Variants in ZNF235 observed in about 807,000 individuals in gnomAD.
ZNF235 encodes the protein zinc finger protein 235.
Under a neutral mutation model 29.4 loss-of-function variants are expected in ZNF235, and 25 were observed. That is an observed-to-expected ratio of 0.85 (90% CI 0.62 to 1.19). The LOEUF (loss-of-function observed/expected upper bound fraction) is 1.19, where lower values mean the gene tolerates loss of function less well. ZNF235 is among the 50% of genes most tolerant of loss of function. The probability of loss-of-function intolerance (pLI) is 0.00; values close to 1 mark genes in which losing one functional copy is unlikely to be tolerated. For synonymous variants in ZNF235, 300 were observed against 295.3 expected (o/e 1.02, Z -0.16); for missense variants, 788 against 885.0 (o/e 0.89, Z 1.39).
At chr19:44,294,524 T>C (rs1158996543) in intron 4 of ZNF235, among the ~76,000 whole-genome samples, 6 of 152,064 alleles carry the variant, frequency 3.9e-5, no homozygotes, top group African/African-American at 1.4e-4. Flanking sequence ...CTAAAACTCT[T>C]TCAAAAAATC....
intron 2 of ZNF235, among the ~76,000 whole-genome samples, chr19:44,301,521 A>AGT: frequency 6.7e-6 from 1 of 149,902 alleles, no homozygotes; most frequent in South Asian, 2.1e-4. Context: ...CCCAGGCTGG[A>AGT]GTGTAGTGGT....
At chr19:44,300,864 A>C (rs1276693548) in intron 2 of ZNF235, among the ~76,000 whole-genome samples, 1 of 150,926 alleles carries the variant, frequency 6.6e-6, no homozygotes, top group Non-Finnish European at 1.5e-5. Flanking sequence ...AAAAAAGGTA[A>C]GTTCCAAGAA....
Position 44,287,251 on chromosome 19 carries a change from G to C in ZNF235, c.2184C>G (p.Tyr728Ter), listed in dbSNP as rs772793484. 5 of 1,608,228 alleles carry C rather than the reference G, an allele frequency of 3.1e-6. No homozygotes were observed. In the South Asian group the frequency reaches 3.3e-5, roughly 11 times the overall value. Reference protein sequence around the residue: ...KGFSQRSHLIYHQRVHTGGNL With the variant: ...KGFSQRSHLI ...TCCCTCCAGTGTGGACTCTCTGATG[G>C]TAGATGAGATGTGACCTCTGACTGA... Residue 728 changes from tyrosine to a stop codon, truncating the protein, a stop_gained, in exon 5 of 5, where the codon TAC (tyrosine) becomes TAG (stop). Transcript: ENST00000291182. LOFTEE classifies it high-confidence loss of function.
At position 44,288,119 on chromosome 19, in the gene ZNF235, C is replaced by T. The variant is rs201108543; in HGVS notation, c.1316G>A (p.Arg439His). ...KPYKCGDCGK[R>H]FSCSSNLHTH... is the part of the protein sequence containing the mutation. ...ATGAAGATTTGAGCTACAACTAAAG[C>T]GTTTACCACAATCCCCACATTTATA... is the stretch of plus-strand genomic sequence containing the variant. Residue 439 changes from arginine to histidine, a missense_variant, in exon 5 of 5, where the codon CGC (arginine) becomes CAC (histidine). By Grantham distance (29) the Arg-to-His change is conservative. Transcript: ENST00000291182. 2.0e-5 allele frequency: 32 copies of T among 1,613,908 alleles called. No homozygotes were observed. Among genetic ancestry groups the T allele is most frequent in the South Asian group, 5.5e-5 (5 of 91,092 alleles).
chr19:44,301,119 G>C (rs1399013054), intron 2 of ZNF235, among the ~76,000 whole-genome samples: 1 of 151,324 alleles, frequency 6.6e-6, no homozygotes, highest in African/African-American at 2.4e-5. Flanking sequence ...AATCCTACTG[G>C]GATTTTTCAT....
At chr19:44,300,651 C>A (rs377163814) in intron 2 of ZNF235, among the ~76,000 whole-genome samples, 1 of 151,972 alleles carries the variant, frequency 6.6e-6, no homozygotes, top group Non-Finnish European at 1.5e-5. Context: ...ACCAACCCGA[C>A]AAACATGGTG....
At chr19:44,304,141 G>A (rs1975796084) in intron 1 of ZNF235, among the ~76,000 whole-genome samples, 1 of 152,078 alleles carries the variant, frequency 6.6e-6, no homozygotes, top group Non-Finnish European at 1.5e-5. Context: ...ACTTGCAAAT[G>A]TTACTAAGCT....
Position 44,287,928 on chromosome 19 carries a change from G to A in ZNF235, c.1507C>T (p.Gln503Ter). 6.2e-7 allele frequency: 1 copy of A among 1,613,866 alleles called. No homozygotes were observed. The highest frequency in any genetic ancestry group is 8.5e-7 in the Non-Finnish European group (1 of 1,179,970). Reference sequence around the variant, plus strand: ...CCTGTATGGACCCTCTGATGGCTCTGGAAACTTGAGGCTGAACTAAAACCC... The same window carrying A: ...CCTGTATGGACCCTCTGATGGCTCTAGAAACTTGAGGCTGAACTAAAACCC... ...GKGFSSASSFQSHQRVHTGEK... is the reference protein window; with the variant it reads ...GKGFSSASSF Residue 503 changes from glutamine to a stop codon, truncating the protein, a stop_gained, in exon 5 of 5, where the codon CAG becomes TAG. Coordinates refer to ENST00000291182, the MANE Select transcript of ZNF235 (RefSeq NM_004234.4). LOFTEE classifies it high-confidence loss of function.
chr19:44,302,552 A>C lies in ZNF235; in HGVS notation c.15+838T>G, dbSNP rs113351232. 2.0e-3 allele frequency among the ~76,000 whole-genome samples: 299 copies of C among 151,844 alleles called. 1 individual carries two copies. Among genetic ancestry groups the C allele is most frequent in the African/African-American group, 6.9e-3 (288 of 41,462 alleles). On this transcript the variant is annotated intron_variant, in intron 2 of 4. Coordinates refer to ENST00000291182, the MANE Select transcript of ZNF235 (RefSeq NM_004234.4). The stretch of plus-strand genomic sequence containing the variant: ...CGGCAGGAGGATCTCTTAAGCCCAG[A>C]AGTTCAAGACCAGCCTGGGAAACAC...
intron 4 of ZNF235, 31 bp downstream of exon 4, chr19:44,298,777 T>C: frequency 2.7e-6 from 4 of 1,472,644 alleles, no homozygotes; most frequent in Non-Finnish European, 3.8e-6. Context: ...ATAACAGCTG[T>C]TAACTACGAT....
At chr19:44,302,396 A>G (rs1422247700) in intron 2 of ZNF235, among the ~76,000 whole-genome samples, 1 of 152,198 alleles carries the variant, frequency 6.6e-6, no homozygotes, top group Non-Finnish European at 1.5e-5. Flanking sequence ...TAAATTTAAA[A>G]AATTCGAAAT....
chr19:44,303,181 T>C (rs1468799971), intron 2 of ZNF235, among the ~76,000 whole-genome samples: 2 of 141,182 alleles, frequency 1.4e-5, no homozygotes, highest in African/African-American at 5.0e-5. Context: ...TATAATTATA[T>C]AGAAATATAT....
intron 2 of ZNF235, among the ~76,000 whole-genome samples, chr19:44,303,138 T>C (rs1002947259): frequency 2.1e-5 from 3 of 144,076 alleles, no homozygotes; most frequent in East Asian, 3.9e-4. Flanking sequence ...TATATTTGTA[T>C]ATAAATATAA....
intron 1 of ZNF235, among the ~76,000 whole-genome samples, chr19:44,303,709 A>G (rs999787878): frequency 6.6e-6 from 1 of 152,202 alleles, no homozygotes; most frequent in Admixed American, 6.5e-5. Flanking sequence ...TTTAGTTTCC[A>G]AGGAAATGAG....
At chr19:44,298,589 G>C (rs1263207148) in intron 4 of ZNF235, among the ~76,000 whole-genome samples, 4 of 152,042 alleles carry the variant, frequency 2.6e-5, no homozygotes, top group African/African-American at 9.7e-5. Context: ...ACAGGGTTTT[G>C]CTATGTTAAA....
rs1433466030 is a variant in ZNF235, at chr19:44,304,957, C to T, written c.-49+14G>A. 1 of 985,102 alleles carries T rather than the reference C, an allele frequency of 1.0e-6. No individual in the cohort carries two copies. The highest frequency in any genetic ancestry group is 1.2e-6 in the Non-Finnish European group (1 of 829,628). The allele number at this position is 985,102 out of a possible 1,614,324, so 61.0% of individuals were successfully genotyped here. A position where few individuals can be genotyped will look rare whatever the true frequency, so the allele number is the denominator to read the frequency against. The stretch of plus-strand genomic sequence containing the variant: ...AGGGCTCGGAGAAGTCTTGGAGACC[C>T]GGAGCTGACTCACCTCCCTGGGAGA... On this transcript the variant is annotated intron_variant, in intron 1 of 4. Transcript: ENST00000291182.
chr19:44,293,950 TAAA>T (rs58642226), intron 4 of ZNF235, among the ~76,000 whole-genome samples: 7 of 144,624 alleles, frequency 4.8e-5, no homozygotes, highest in Non-Finnish European at 9.1e-5. Context: ...ATGTCTACAC[TAAA>T]AAAAAAAAAA....
chr19:44,303,515 A>C, intron 1 of ZNF235, 63 bp from the exon 2 acceptor site: 2 of 1,449,350 alleles, frequency 1.4e-6, no homozygotes, highest in Non-Finnish European at 1.9e-6. Context: ...TGGCACTTTT[A>C]TGTGACACTT....
rs746360181 is a variant in ZNF235, at chr19:44,303,440, C to A, written c.-36G>T. 6.2e-7 allele frequency: 1 copy of A among 1,607,190 alleles called. No homozygotes were observed. The highest frequency in any genetic ancestry group is 8.5e-7 in the Non-Finnish European group (1 of 1,175,932). On this transcript the variant is annotated 5_prime_UTR_variant, in exon 2 of 5. Coordinates refer to ENST00000291182, the MANE Select transcript of ZNF235 (RefSeq NM_004234.4). ...CTCCTTCTGGGAAAAGGCAGAGTTC[C>A]GGGGAAGTGAACCTGAGGGAGGGAA...
Sources: gnomAD v4.1 joint callset for allele counts (sites outside exome capture counted in the v4.1 genomes callset) on GRCh38, gnomAD v4.1.1 for gene constraint, MANE v1.5 for transcripts, NCBI Gene and HGNC (gene_info 2026-07-23, HGNC 2026-07-21) for gene names.